The following SOX30 variants were observed in gnomAD, a reference collection of about 807,000 sequenced individuals.
The protein encoded by SOX30 is SRY-box transcription factor 30.
SOX30 carries 17 observed loss-of-function variants against 58.6 expected under a neutral mutation model. That is an observed-to-expected ratio of 0.29 (90% CI 0.20 to 0.44). The LOEUF is 0.44. Ranked by LOEUF, SOX30 falls within the 20% of genes least tolerant of loss-of-function variation. The probability of loss-of-function intolerance (pLI) is 1.00; values close to 1 mark genes in which losing one functional copy is unlikely to be tolerated. For missense variants in SOX30, 951 were observed against 965.8 expected (o/e 0.98, Z 0.20); for synonymous variants, 421 against 400.2 (o/e 1.05, Z -0.62).
chr5:157,667,628 A>T (rs956692571), intron 2 of SOX30, among the ~76,000 whole-genome samples: 3 of 152,074 alleles, frequency 2.0e-5, no homozygotes, highest in African/African-American at 7.2e-5. Flanking sequence ...CAGCTACTTT[A>T]CTCTGGAGGC....
At chr5:157,627,697 A>C (rs1315438337) in intron 4 of SOX30, among the ~76,000 whole-genome samples, 1 of 152,104 alleles carries the variant, frequency 6.6e-6, no homozygotes, top group African/African-American at 2.4e-5. Flanking sequence ...TGCAGTTTTA[A>C]AAGTTATGGT....
chr5:157,629,837 G>T (rs1758746074), intron 4 of SOX30, among the ~76,000 whole-genome samples: 1 of 152,190 alleles, frequency 6.6e-6, no homozygotes, highest in South Asian at 2.1e-4. Flanking sequence ...GTAAGTGGTA[G>T]ACAGAATCAG....
chr5:157,669,555 G>A (rs1759736884), intron 1 of SOX30, among the ~76,000 whole-genome samples: 3 of 143,092 alleles, frequency 2.1e-5, no homozygotes, highest in Non-Finnish European at 4.6e-5. Context: ...TTTCTCTGTC[G>A]CCCAGGCTGG....
chr5:157,652,386 C>T lies in SOX30; in HGVS notation c.-308G>A. 9.0e-7 allele frequency: 1 copy of T among 1,110,938 alleles called. No individual in the cohort carries two copies. The allele number at this position is 1,110,938 out of a possible 1,614,324, so 68.8% of individuals were successfully genotyped here. A position where few individuals can be genotyped will look rare whatever the true frequency, so the allele number is the denominator to read the frequency against. On this transcript the variant is annotated 5_prime_UTR_variant, in exon 1 of 5. Transcript: ENST00000265007. ...TTCGTTCTGACTCTCTTGTGGAGTTCTCTTACAGCCGTTGTCTTTAGTCAT... is the reference window on the plus strand; with the variant it reads ...TTCGTTCTGACTCTCTTGTGGAGTTTTCTTACAGCCGTTGTCTTTAGTCAT...
intron 2 of SOX30, among the ~76,000 whole-genome samples, chr5:157,647,283 G>C (rs951757775): frequency 6.6e-6 from 1 of 152,082 alleles, no homozygotes; most frequent in African/African-American, 2.4e-5. Flanking sequence ...GACTGGTCTT[G>C]AACTCCTGAC....
intron 4 of SOX30, among the ~76,000 whole-genome samples, chr5:157,634,667 T>C (rs1758884258): frequency 1.3e-5 from 2 of 151,910 alleles, no homozygotes; most frequent in East Asian, 3.9e-4. Context: ...AGGAAATATA[T>C]ATATAGTTTC....
intron 3 of SOX30, among the ~76,000 whole-genome samples, chr5:157,641,980 C>T (rs183512697): frequency 1.3e-3 from 192 of 152,048 alleles, no homozygotes; most frequent in African/African-American, 4.4e-3. Flanking sequence ...GACAAGTGAT[C>T]GATTAGAACA....
chr5:157,628,223 A>C (rs896500544), intron 4 of SOX30, among the ~76,000 whole-genome samples: 2 of 152,138 alleles, frequency 1.3e-5, no homozygotes, highest in Non-Finnish European at 2.9e-5. Flanking sequence ...ATTGTTTTTA[A>C]GTATTATTCT....
chr5:157,641,998 T>A (rs1759074411), intron 3 of SOX30, among the ~76,000 whole-genome samples: 1 of 152,084 alleles, frequency 6.6e-6, no homozygotes, highest in Non-Finnish European at 1.5e-5. Flanking sequence ...ACAAAAAGGT[T>A]TGGTAGAATA....
At position 157,626,639 on chromosome 5, in the gene SOX30, T is replaced by C. The variant is rs771523158; in HGVS notation, c.1963A>G (p.Arg655Gly). The C allele has an allele frequency of 1.9e-6, 3 of 1,614,182 alleles. No individual in the cohort carries two copies. The East Asian group carries it at 6.7e-5, about 36-fold the overall frequency. The change falls in exon 5 of 5, where the codon AGG becomes GGG. Residue 655 changes from arginine (R) to glycine (G), a missense_variant. Transcript: ENST00000265007. ...MPECLSYYEDRYPKHEGIFST... is the reference protein window; with the variant it reads ...MPECLSYYEDGYPKHEGIFST... The stretch of plus-strand genomic sequence containing the variant: ...AAGATACCCTCATGTTTTGGGTACC[T>C]GTCTTCATAATAACTAAGGCATTCT...
upstream of SOX30, among the ~76,000 whole-genome samples, chr5:157,652,729 C>T (rs1759395003): frequency 6.6e-6 from 1 of 152,232 alleles, no homozygotes; most frequent in African/African-American, 2.4e-5. Context: ...TTCCAAAATA[C>T]TATACATCCC....
At chr5:157,653,107 A>T (rs991424670), upstream of SOX30, among the ~76,000 whole-genome samples, 5 of 152,154 alleles carry the variant, frequency 3.3e-5, no homozygotes, top group African/African-American at 9.7e-5. Flanking sequence ...CATTGGCCCC[A>T]TCATCATTCT....
intron 2 of SOX30, among the ~76,000 whole-genome samples, chr5:157,647,115 G>A (rs1157911838): frequency 1.3e-5 from 2 of 150,316 alleles, no homozygotes; most frequent in Non-Finnish European, 1.5e-5. Context: ...GGGCTGGAGT[G>A]CAATGGCACA....
intron 3 of SOX30, among the ~76,000 whole-genome samples, chr5:157,639,477 C>T (rs1759011162): frequency 6.6e-6 from 1 of 151,958 alleles, no homozygotes; most frequent in South Asian, 2.1e-4. Context: ...AGGAAATTTC[C>T]AAGTGAGAAC....
At position 157,651,815 on chromosome 5, in the gene SOX30, G is replaced by A. The variant is rs1285960330; in HGVS notation, c.264C>T (p.Asn88=). ...VLLLPQPQAQ[N]EEAAASSAQA... ...GCGCGGACGAGGCAGCGGCTTCCTC[G>A]TTCTGGGCCTGAGGCTGTGGTAGCA... Residue 88 remains asparagine (N), a synonymous_variant, in exon 1 of 5, where the codon AAC becomes AAT. Coordinates refer to ENST00000265007, the MANE Select transcript of SOX30 (RefSeq NM_178424.2). 5 of 1,585,336 alleles carry A rather than the reference G, an allele frequency of 3.2e-6. No homozygotes were observed. Among genetic ancestry groups the A allele is most frequent in the African/African-American group, 2.7e-5 (2 of 74,542 alleles).
At chr5:157,650,764 G>C (rs1759308308) in intron 1 of SOX30, among the ~76,000 whole-genome samples, 3 of 152,034 alleles carry the variant, frequency 2.0e-5, no homozygotes, top group Admixed American at 2.0e-4. Context: ...AAAGTACTGA[G>C]CTGTTATACT....
At chr5:157,653,764 A>G (rs924492371), upstream of SOX30, among the ~76,000 whole-genome samples, 9 of 152,224 alleles carry the variant, frequency 5.9e-5, no homozygotes, top group African/African-American at 2.2e-4. Flanking sequence ...TTATTGTCCA[A>G]TCCTCTGGTA....
At chr5:157,666,351 G>C (rs984242001) in intron 2 of SOX30, among the ~76,000 whole-genome samples, 1 of 151,650 alleles carries the variant, frequency 6.6e-6, no homozygotes, top group African/African-American at 2.4e-5. Flanking sequence ...GTAGAGATAG[G>C]GTCTGGCTAT....
At chr5:157,658,624 T>C (rs1342861397) in intron 2 of SOX30, among the ~76,000 whole-genome samples, 1 of 152,216 alleles carries the variant, frequency 6.6e-6, no homozygotes. Context: ...CAAGAGACTC[T>C]CATAGTTAAG....
Sources: allele counts gnomAD v4.1 joint callset (sites outside exome capture counted in the v4.1 genomes callset), GRCh38; gene constraint gnomAD v4.1.1; transcripts MANE v1.5; gene names NCBI Gene and HGNC (gene_info 2026-07-23, HGNC 2026-07-21).